MAML3: variants seen among roughly 807,000 people sequenced by gnomAD.
The protein encoded by MAML3 is mastermind like transcriptional coactivator 3.
Under a neutral mutation model 101.9 loss-of-function variants are expected in MAML3, and 27 were observed. The observed-to-expected ratio is 0.27, with a 90% CI of 0.20 to 0.37. The LOEUF is 0.37. Among genes scored for constraint, MAML3 ranks in the 10% least tolerant of loss-of-function variants. MAML3 has a pLI of 1.00. For synonymous variants in MAML3, 501 were observed against 555.9 expected (o/e 0.90, Z 1.39); for missense variants, 1,316 against 1,444.9 (o/e 0.91, Z 1.45).
At chr4:140,063,539 T>G (rs1022263908) in intron 1 of MAML3, among the ~76,000 whole-genome samples, 7 of 152,202 alleles carry the variant, frequency 4.6e-5, no homozygotes, top group Non-Finnish European at 8.8e-5. Context: ...GGTCCACATT[T>G]TGGGTAGCCT....
intron 2 of MAML3, among the ~76,000 whole-genome samples, chr4:139,794,693 C>T (rs1730482262): frequency 1.3e-5 from 2 of 152,240 alleles, no homozygotes; most frequent in African/African-American, 4.8e-5. Context: ...GCCAATCTCT[C>T]TGCTCCCTGT....
At chr4:139,894,904 G>A (rs563274271) in intron 1 of MAML3, among the ~76,000 whole-genome samples, 29 of 152,324 alleles carry the variant, frequency 1.9e-4, no homozygotes, top group African/African-American at 6.3e-4. Flanking sequence ...AGGAAATGAA[G>A]GTTAGGGCTT....
At chr4:140,103,076 A>G (rs377036440) in intron 1 of MAML3, among the ~76,000 whole-genome samples, 43 of 152,270 alleles carry the variant, frequency 2.8e-4, no homozygotes, top group African/African-American at 9.9e-4. Context: ...GCCACTCTCA[A>G]TGGTGAGGAA....
intron 1 of MAML3, among the ~76,000 whole-genome samples, chr4:140,069,570 AGG>A (rs1279221288): frequency 5.0e-5 from 5 of 100,994 alleles, no homozygotes; most frequent in African/African-American, 2.0e-4. Context: ...GAGGAGGAGG[AGG>A]GGAGGAGGAG....
At chr4:139,998,795 T>TG (rs2110840458) in intron 1 of MAML3, among the ~76,000 whole-genome samples, 1 of 152,328 alleles carries the variant, frequency 6.6e-6, no homozygotes, top group African/African-American at 2.4e-5. Context: ...TCTGTCTCCC[T>TG]GGCAGTATGA....
rs531296776 is a variant in MAML3, at chr4:139,812,092, A to G, written c.2079+77265T>C. Among the ~76,000 whole-genome samples the G allele has an allele frequency of 3.3e-5, 5 of 152,242 alleles. No homozygotes were observed. In the South Asian group the frequency reaches 1.0e-3, roughly 32 times the overall value. Reference sequence around the variant, plus strand: ...CAACAGAGCTAGACCCTGTCTCTACAAAAAATTACAAAACTAGCTGGGTGT... The same window carrying G: ...CAACAGAGCTAGACCCTGTCTCTACGAAAAATTACAAAACTAGCTGGGTGT... On this transcript the variant is annotated intron_variant, in intron 2 of 4. Coordinates refer to ENST00000509479, the MANE Select transcript of MAML3 (RefSeq NM_018717.5).
At chr4:139,849,208 G>T (rs1351640638) in intron 2 of MAML3, among the ~76,000 whole-genome samples, 1 of 152,150 alleles carries the variant, frequency 6.6e-6, no homozygotes, top group Admixed American at 6.5e-5. Flanking sequence ...AACAAACATA[G>T]GTATTATAGA....
chr4:139,801,795 G>A (rs1006501207), intron 2 of MAML3, among the ~76,000 whole-genome samples: 9 of 152,080 alleles, frequency 5.9e-5, no homozygotes, highest in Non-Finnish European at 1.0e-4. Flanking sequence ...GAATGACTAA[G>A]GTGGGAAAGT....
intron 1 of MAML3, among the ~76,000 whole-genome samples, chr4:139,935,392 G>A (rs1480520014): frequency 3.9e-5 from 6 of 152,146 alleles, no homozygotes; most frequent in South Asian, 2.1e-4. Flanking sequence ...AATAACATAC[G>A]TGAAATAGAT....
At chr4:139,983,945 C>T (rs564478265) in intron 1 of MAML3, among the ~76,000 whole-genome samples, 2 of 152,242 alleles carry the variant, frequency 1.3e-5, no homozygotes, top group African/African-American at 4.8e-5. Flanking sequence ...TTAACCAGGG[C>T]AGACTTTGCC....
At position 139,873,685 on chromosome 4, in the gene MAML3, T is replaced by C. The variant is rs554274495; in HGVS notation, c.2079+15672A>G. Among the ~76,000 whole-genome samples, 3 of 152,268 alleles carry C rather than the reference T, an allele frequency of 2.0e-5. No individual in the cohort carries two copies. The South Asian group carries it at 6.2e-4, about 32-fold the overall frequency. ...TTAAGCAGCCCTGTGGGGAGGTCCA[T>C]GTGGTGAGGAACTGAGGCCTCCAGT... On this transcript the variant is annotated intron_variant, in intron 2 of 4. Transcript: ENST00000509479.
At chr4:139,793,052 G>GT (rs1730448034) in intron 2 of MAML3, among the ~76,000 whole-genome samples, 1 of 152,108 alleles carries the variant, frequency 6.6e-6, no homozygotes, top group Non-Finnish European at 1.5e-5. Flanking sequence ...GGCAGAACTG[G>GT]TTTTCTTTAA....
At chr4:140,134,432 C>G (rs774741569) in intron 1 of MAML3, 2 of 455,966 alleles carry the variant, frequency 4.4e-6, no homozygotes, top group Non-Finnish European at 8.8e-6. Flanking sequence ...CTGAATGCTA[C>G]AGCAAGTGCA....
intron 1 of MAML3, chr4:140,134,004 T>C (rs1728840577): frequency 2.5e-6 from 1 of 402,504 alleles, no homozygotes. Flanking sequence ...AACTTTCTTA[T>C]TCCATACTCA....
chr4:139,863,150 C>CAAAAA (rs34108210), intron 2 of MAML3, among the ~76,000 whole-genome samples: 13 of 114,138 alleles, frequency 1.1e-4, no homozygotes, highest in Non-Finnish European at 1.1e-4. Context: ...ACTCTGTCTC[C>CAAAAA]AAAAAAAAAA....
At chr4:139,836,906 T>C (rs575428508) in intron 2 of MAML3, among the ~76,000 whole-genome samples, 5 of 150,538 alleles carry the variant, frequency 3.3e-5, no homozygotes, top group African/African-American at 9.8e-5. Context: ...GCAGATCACC[T>C]GAGGTTGGGA....
chr4:140,137,201 G>A (rs1477412774), intron 1 of MAML3, among the ~76,000 whole-genome samples: 1 of 151,932 alleles, frequency 6.6e-6, no homozygotes, highest in Non-Finnish European at 1.5e-5. Context: ...TGTTAGCCAA[G>A]ATGGTCTCGA....
chr4:139,845,876 A>AT (rs1363633244), intron 2 of MAML3, among the ~76,000 whole-genome samples: 1 of 152,254 alleles, frequency 6.6e-6, no homozygotes, highest in Non-Finnish European at 1.5e-5. Context: ...CAGTAGTAAA[A>AT]TTACAGTTCG....
chr4:140,019,274 C>T (rs144738313), intron 1 of MAML3, among the ~76,000 whole-genome samples: 1 of 152,290 alleles, frequency 6.6e-6, no homozygotes, highest in East Asian at 1.9e-4. Context: ...AAAACCTTTG[C>T]AGGTCCCTCA....
Sources: gnomAD v4.1 joint callset for allele counts (sites outside exome capture counted in the v4.1 genomes callset) on GRCh38, gnomAD v4.1.1 for gene constraint, MANE v1.5 for transcripts, NCBI Gene and HGNC (gene_info 2026-07-23, HGNC 2026-07-21) for gene names.